CHRDL1: variants seen among roughly 807,000 people sequenced by gnomAD.
CHRDL1 encodes chordin-like protein 1.
CHRDL1 carries 19 observed loss-of-function variants against 40.9 expected under a neutral mutation model. The ratio of observed to expected loss-of-function variants is 0.46; its 90% CI spans 0.32 to 0.68. The LOEUF is 0.68. Ranked by LOEUF, CHRDL1 falls within the 30% of genes least tolerant of loss-of-function variation. The pLI is 0.03. For synonymous variants in CHRDL1, 136 were observed against 123.4 expected (o/e 1.10, Z -0.68); for missense variants, 329 against 352.1 (o/e 0.93, Z 0.53).
intron 2 of CHRDL1, among the ~76,000 whole-genome samples, chrX:110,777,373 A>C: frequency 9.0e-6 from 1 of 111,095 alleles, no homozygotes; most frequent in Non-Finnish European, 1.9e-5. Flanking sequence ...AAGGAGTGAA[A>C]CTGCTGGATC....
At position 110,674,189 on chromosome X, in the gene CHRDL1, T is replaced by C. The variant is rs938208649; in HGVS notation, c.*2042A>G. 4.5e-5 allele frequency: 5 copies of C among 111,306 alleles called. No individual in the cohort carries two copies. Among genetic ancestry groups the C allele is most frequent in the Admixed American group, 9.6e-5 (1 of 10,411 alleles). 9.2% of individuals were successfully genotyped at this position (111,306 alleles called of 1,213,427 possible). ...ACACTGGAGGGTTTCTACTTTGACT[T>C]AACACAGCTCCCCAGCTCCTGCTTC... is the stretch of plus-strand genomic sequence containing the variant. On this transcript the variant is annotated 3_prime_UTR_variant, in exon 12 of 12. Coordinates refer to ENST00000372042, the MANE Select transcript of CHRDL1 (RefSeq NM_001143981.2).
intron 4 of CHRDL1, among the ~76,000 whole-genome samples, chrX:110,752,391 T>C (rs1170398069): frequency 8.9e-6 from 1 of 111,949 alleles, no homozygotes; most frequent in Admixed American, 9.5e-5. Flanking sequence ...TGAAGAAGGT[T>C]TTAACCCCTT....
chrX:110,708,447 A>G (rs1397169417), intron 6 of CHRDL1, among the ~76,000 whole-genome samples: 1 of 111,553 alleles, frequency 9.0e-6, no homozygotes, highest in Non-Finnish European at 1.9e-5. Flanking sequence ...ACACCATGGA[A>G]TACTATACAG....
At chrX:110,730,205 T>C (rs2071131654) in intron 4 of CHRDL1, among the ~76,000 whole-genome samples, 1 of 112,420 alleles carries the variant, frequency 8.9e-6, no homozygotes, top group Non-Finnish European at 1.9e-5. Flanking sequence ...GGTTTGTTTT[T>C]ACCCCTGTGC....
chrX:110,693,073 G>C (rs770914713), intron 8 of CHRDL1, among the ~76,000 whole-genome samples: 1 of 111,757 alleles, frequency 8.9e-6, no homozygotes, highest in African/African-American at 3.3e-5. Flanking sequence ...CCAACGAGCT[G>C]GTTGACAGGA....
intron 1 of CHRDL1, 160 bp downstream of exon 1, chrX:110,795,584 T>C (rs952028134): frequency 9.0e-6 from 1 of 111,429 alleles, no homozygotes; most frequent in African/African-American, 3.3e-5. Flanking sequence ...TCCATCCAGG[T>C]TGCTAACTGC....
At chrX:110,750,068 C>A (rs2148496419) in intron 4 of CHRDL1, among the ~76,000 whole-genome samples, 1 of 111,603 alleles carries the variant, frequency 9.0e-6, no homozygotes, top group Non-Finnish European at 1.9e-5. Context: ...ACAGGCCCCT[C>A]TCCCTTTGTA....
chrX:110,785,799 T>A (rs1602427168), intron 2 of CHRDL1, among the ~76,000 whole-genome samples: 1 of 111,994 alleles, frequency 8.9e-6, no homozygotes, highest in East Asian at 2.8e-4. Context: ...CAGAAACAAA[T>A]CATGTTAATA....
intron 4 of CHRDL1, among the ~76,000 whole-genome samples, chrX:110,732,259 G>A (rs959028839): frequency 9.0e-6 from 1 of 111,221 alleles, no homozygotes; most frequent in Non-Finnish European, 1.9e-5. Flanking sequence ...TCAGCTAAAG[G>A]AGGGGGTGAT....
At position 110,690,721 on chromosome X, in the gene CHRDL1, C is replaced by T. The variant is rs1379424308; in HGVS notation, c.779-1918G>A. On this transcript the variant is annotated intron_variant, in intron 8 of 11. Transcript: ENST00000372042. ...ATTGAGAGGGAAAGGACCAAGCCCTCCTGGGTAACTTGTGAAGGGATAGCC... is the reference window on the plus strand; with the variant it reads ...ATTGAGAGGGAAAGGACCAAGCCCTTCTGGGTAACTTGTGAAGGGATAGCC... Among the ~76,000 whole-genome samples, 4 of 111,463 alleles carry T rather than the reference C, an allele frequency of 3.6e-5. No individual in the cohort carries two copies. The East Asian group carries it at 1.1e-3, about 31-fold the overall frequency.
Position 110,676,439 on chromosome X carries a change from C to A in CHRDL1, c.1247-78G>T, listed in dbSNP as rs777055964. 7.9e-5 allele frequency: 76 copies of A among 961,966 alleles called. No homozygotes were observed. In the South Asian group the frequency reaches 1.6e-3, roughly 21 times the overall value. 79.3% of individuals were successfully genotyped at this position (961,966 alleles called of 1,213,427 possible). A position where few individuals can be genotyped will look rare whatever the true frequency, so the allele number is the denominator to read the frequency against. On this transcript the variant is annotated intron_variant, in intron 11 of 11. Transcript: ENST00000372042. ...GCAAATTAGGAATAGAACCAATATA[C>A]CCCATGCTTACCCACTTACTCATGG...
chrX:110,689,094 A>G (rs1457096348), intron 8 of CHRDL1, among the ~76,000 whole-genome samples: 1 of 85,976 alleles, frequency 1.2e-5, no homozygotes, highest in African/African-American at 4.3e-5. Flanking sequence ...ATATATATAT[A>G]TATATATATA....
chrX:110,689,061 A>AATATATATATGTATATATAT (rs1470855798), intron 8 of CHRDL1, among the ~76,000 whole-genome samples: 1 of 76,271 alleles, frequency 1.3e-5, no homozygotes. Flanking sequence ...GCAGTCCATA[A>AATATATATATGTATATATAT]ATATATATAT....
chrX:110,720,083 G>A (rs772068755), intron 5 of CHRDL1, among the ~76,000 whole-genome samples, 155 bp from the exon 6 acceptor site: 6 of 110,672 alleles, frequency 5.4e-5, no homozygotes, highest in Admixed American at 2.9e-4. Context: ...ATTTTATTAC[G>A]CATTATTTTT....
chrX:110,679,260 G>T (rs2069844654), intron 11 of CHRDL1, 76 bp downstream of exon 11: 1 of 683,339 alleles, frequency 1.5e-6, no homozygotes, highest in Admixed American at 2.2e-5. Context: ...GATTGCGGAG[G>T]GACTTTAGCT....
At chrX:110,759,328 C>A (rs1478841910) in intron 4 of CHRDL1, among the ~76,000 whole-genome samples, 1 of 112,187 alleles carries the variant, frequency 8.9e-6, no homozygotes, top group Admixed American at 9.4e-5. Context: ...CGCCATGCTG[C>A]AACTCTCCTG....
intron 6 of CHRDL1, among the ~76,000 whole-genome samples, chrX:110,713,065 C>G (rs1457181772): frequency 9.0e-6 from 1 of 110,939 alleles, no homozygotes; most frequent in African/African-American, 3.3e-5. Flanking sequence ...CCAATCTTTC[C>G]TCACCCTGGA....
chrX:110,707,480 T>C (rs1469347429), intron 6 of CHRDL1, among the ~76,000 whole-genome samples: 5 of 111,153 alleles, frequency 4.5e-5, no homozygotes, highest in Admixed American at 9.6e-5. Flanking sequence ...GCCTCAGAAA[T>C]AATGCCACTT....
intron 6 of CHRDL1, among the ~76,000 whole-genome samples, chrX:110,706,098 T>C (rs112841117): frequency 8.9e-4 from 99 of 111,024 alleles, no homozygotes; most frequent in African/African-American, 2.9e-3. Context: ...TGAAAATAGG[T>C]ATGTCCATTT....
Sources: gnomAD v4.1 joint callset for allele counts (sites outside exome capture counted in the v4.1 genomes callset) on GRCh38, gnomAD v4.1.1 for gene constraint, MANE v1.5 for transcripts, NCBI Gene and HGNC (gene_info 2026-07-23, HGNC 2026-07-21) for gene names.